WDFY3: variants seen among roughly 807,000 people sequenced by gnomAD.
WDFY3 encodes the protein WD repeat and FYVE domain-containing protein 3.
A neutral mutation model predicts 409.6 loss-of-function variants in WDFY3; 66 were observed. The ratio of observed to expected loss-of-function variants is 0.16; its 90% confidence interval spans 0.13 to 0.20. The LOEUF (loss-of-function observed/expected upper bound fraction) is 0.20. Among genes scored for constraint, WDFY3 ranks in the 10% least tolerant of loss-of-function variants. The pLI, the probability that WDFY3 is intolerant of heterozygous loss-of-function variation, is 1.00. For missense variants in WDFY3, 3,031 were observed against 4,298.1 expected (o/e 0.71, Z 8.24); for synonymous variants, 1,521 against 1,537.1 (o/e 0.99, Z 0.25).
chr4:84,680,780 A>G (rs568268690), intron 64 of WDFY3, among the ~76,000 whole-genome samples: 1 of 152,230 alleles, frequency 6.6e-6, no homozygotes, highest in Non-Finnish European at 1.5e-5. Flanking sequence ...TTGTATTGGT[A>G]GTAATCTGGA....
At chr4:84,863,182 A>G (rs1760899908) in intron 3 of WDFY3, among the ~76,000 whole-genome samples, 1 of 152,246 alleles carries the variant, frequency 6.6e-6, no homozygotes, top group South Asian at 2.1e-4. Context: ...TGCAACAAAC[A>G]TGGGAGTGCA....
rs1163486109 is a variant in WDFY3, at chr4:84,766,289, T to C, written c.4933A>G (p.Ile1645Val). 1.3e-6 allele frequency: 2 copies of C among 1,596,752 alleles called. No individual in the cohort carries two copies. Among genetic ancestry groups the C allele is most frequent in the African/African-American group, 2.7e-5 (2 of 74,086 alleles). The stretch of plus-strand genomic sequence containing the variant: ...CTTGTCTTTTCTTTAGATGTATAAA[T>C]TAGTTTTAGCAAGATATCCAGAAGT... ...NRLLDILLKL[I>V]YTSKEKTSIN... Residue 1645 changes from isoleucine to valine, a missense_variant, in exon 31 of 68, where the codon ATT becomes GTT. By Grantham distance (29) the Ile-to-Val change is conservative. Transcript: ENST00000295888.
At chr4:84,731,548 C>T (rs1320077142) in intron 44 of WDFY3, among the ~76,000 whole-genome samples, 1 of 152,122 alleles carries the variant, frequency 6.6e-6, no homozygotes, top group Non-Finnish European at 1.5e-5. Flanking sequence ...TCTCAACTGT[C>T]TAGTATTTTC....
intron 67 of WDFY3, among the ~76,000 whole-genome samples, 198 bp from the exon 68 acceptor site, chr4:84,673,189 G>C (rs1725702746): frequency 6.6e-6 from 1 of 152,010 alleles, no homozygotes; most frequent in Non-Finnish European, 1.5e-5. Flanking sequence ...TATTAAACCA[G>C]GGAAGCTATT....
intron 44 of WDFY3, 25 bp downstream of exon 44, chr4:84,733,357 T>C (rs375214555): frequency 2.5e-5 from 40 of 1,605,986 alleles, no homozygotes; most frequent in Middle Eastern, 1.7e-4. Context: ...AGAGCCATTG[T>C]GATCATTGAA....
intron 3 of WDFY3, among the ~76,000 whole-genome samples, chr4:84,883,375 A>G (rs1175698376): frequency 6.6e-6 from 1 of 152,218 alleles, no homozygotes; most frequent in African/African-American, 2.4e-5. Context: ...TTCTGGGGAA[A>G]TAAGTAACTG....
At chr4:84,863,779 C>A (rs1421562863) in intron 3 of WDFY3, among the ~76,000 whole-genome samples, 1 of 152,144 alleles carries the variant, frequency 6.6e-6, no homozygotes, top group Non-Finnish European at 1.5e-5. Context: ...GTTTTCCCAA[C>A]ACCATTTATT....
At chr4:84,926,297 A>C (rs1436117123) in intron 2 of WDFY3, among the ~76,000 whole-genome samples, 6 of 151,562 alleles carry the variant, frequency 4.0e-5, no homozygotes, top group Non-Finnish European at 1.5e-5. Context: ...AAAGGAAAAA[A>C]GTTTCACAAC....
At chr4:84,765,714 G>A (rs1183053427) in intron 32 of WDFY3, 96 bp downstream of exon 32, 8 of 986,032 alleles carry the variant, frequency 8.1e-6, no homozygotes, top group Non-Finnish European at 1.2e-5. Context: ...TCTCCTTAAT[G>A]GTGATCAAAC....
In WDFY3 at chr4:84,826,824, C is replaced by A; in HGVS notation, c.1114G>T (p.Ala372Ser). The change falls in exon 10 of 68, where the codon GCA becomes TCA. Residue 372 changes from alanine to serine, a missense_variant. By Grantham distance (99) the Ala-to-Ser change is moderately conservative. Transcript: ENST00000295888. ...LLPGFAVPQP[A>S]GKGHSVRNVQ... ...AAAAAACAAGACTCACCTTTGCCTGCAGGCTGAGGTACTGCAAATCCAGGC... is the reference window on the plus strand; with the variant it reads ...AAAAAACAAGACTCACCTTTGCCTGAAGGCTGAGGTACTGCAAATCCAGGC... 1 of 1,596,360 alleles carries A rather than the reference C, an allele frequency of 6.3e-7. No homozygotes were observed. Among genetic ancestry groups the A allele is most frequent in the South Asian group, 1.1e-5 (1 of 87,182 alleles).
At chr4:84,891,811 C>G (rs1007538209) in intron 3 of WDFY3, among the ~76,000 whole-genome samples, 1 of 152,106 alleles carries the variant, frequency 6.6e-6, no homozygotes, top group African/African-American at 2.4e-5. Flanking sequence ...AACTACATCT[C>G]CAAAGTCTAT....
chr4:84,783,141 A>C, intron 24 of WDFY3, 67 bp from the exon 25 acceptor site: 1 of 1,382,030 alleles, frequency 7.2e-7, no homozygotes, highest in East Asian at 2.3e-5. Flanking sequence ...ATTGGAAAAG[A>C]AACCAAACAC....
chr4:84,702,761 C>A (rs1003904311), intron 55 of WDFY3, among the ~76,000 whole-genome samples: 1 of 152,084 alleles, frequency 6.6e-6, no homozygotes, highest in Admixed American at 6.6e-5. Flanking sequence ...AAAAAGTCAT[C>A]CAAAAAATAG....
At chr4:84,959,770 CA>C (rs1303309529) in intron 1 of WDFY3, among the ~76,000 whole-genome samples, 1 of 152,004 alleles carries the variant, frequency 6.6e-6, no homozygotes, top group African/African-American at 2.4e-5. Context: ...CATATCCCAG[CA>C]AAAAATCAGT....
intron 35 of WDFY3, 80 bp from the exon 36 acceptor site, chr4:84,751,796 T>C: frequency 1.4e-6 from 2 of 1,472,614 alleles, no homozygotes; most frequent in Non-Finnish European, 1.9e-6. Flanking sequence ...AAAATAAAAC[T>C]GGAGCAGCAG....
At chr4:84,839,179 G>A (rs977813358) in intron 6 of WDFY3, among the ~76,000 whole-genome samples, 15 of 151,938 alleles carry the variant, frequency 9.9e-5, no homozygotes, top group African/African-American at 3.6e-4. Context: ...GGTTTTTATA[G>A]AAAATATGAA....
At chr4:84,684,384 G>A (rs897971242) in intron 62 of WDFY3, among the ~76,000 whole-genome samples, 1 of 152,172 alleles carries the variant, frequency 6.6e-6, no homozygotes, top group Non-Finnish European at 1.5e-5. Context: ...GCAGGTCCAC[G>A]TCCCTGGCAC....
chr4:84,827,093 G>A (rs1754973988), intron 9 of WDFY3, 112 bp from the exon 10 acceptor site: 1 of 1,115,130 alleles, frequency 9.0e-7, no homozygotes, highest in Non-Finnish European at 1.2e-6. Context: ...AAAGTACTCT[G>A]GGAAGTACTG....
intron 58 of WDFY3, among the ~76,000 whole-genome samples, chr4:84,693,426 T>C (rs575677321): frequency 6.6e-6 from 1 of 152,218 alleles, no homozygotes; most frequent in Non-Finnish European, 1.5e-5. Flanking sequence ...AGTTGGATTA[T>C]TTCTGGTTTC....
Sources: gnomAD v4.1 joint callset for allele counts (sites outside exome capture counted in the v4.1 genomes callset) on GRCh38, gnomAD v4.1.1 for gene constraint, MANE v1.5 for transcripts, NCBI Gene and HGNC (gene_info 2026-07-23, HGNC 2026-07-21) for gene names.